Variants in TRAPPC9 observed in about 807,000 individuals in gnomAD.
TRAPPC9 encodes IKK2 binding protein.
A neutral mutation model predicts 124.0 loss-of-function variants in TRAPPC9; 83 were observed. That is an observed-to-expected ratio of 0.67 (90% CI 0.56 to 0.80). The LOEUF (loss-of-function observed/expected upper bound fraction) is 0.80, where lower values mean the gene tolerates loss of function less well. Among genes scored for constraint, TRAPPC9 ranks in the 30% least tolerant of loss-of-function variants. TRAPPC9 has a pLI of 0.00. For synonymous variants in TRAPPC9, 638 were observed against 617.5 expected, an observed-to-expected ratio of 1.03 and a Z score of -0.49; for missense variants, 1,302 against 1,508.3, an observed-to-expected ratio of 0.86 and a Z score of 2.27.
At chr8:140,006,948 A>C (rs1027111591) in intron 18 of TRAPPC9, among the ~76,000 whole-genome samples, 1 of 152,218 alleles carries the variant, frequency 6.6e-6, no homozygotes, top group African/African-American at 2.4e-5. Flanking sequence ...ACGTTGAATT[A>C]TACAGTTTAA....
chr8:140,244,683 C>T (rs973523578), intron 16 of TRAPPC9, among the ~76,000 whole-genome samples: 1 of 152,026 alleles, frequency 6.6e-6, no homozygotes, highest in African/African-American at 2.4e-5. Context: ...CAGCCTGGCT[C>T]GATCTTCTGG....
chr8:139,776,191 G>A lies in TRAPPC9; in HGVS notation c.3056-43989C>T, dbSNP rs925297689. Among the ~76,000 whole-genome samples, 7 of 152,138 alleles carry A rather than the reference G, an allele frequency of 4.6e-5. No homozygotes were observed. Among genetic ancestry groups the A allele is most frequent in the African/African-American group, 1.7e-4 (7 of 41,430 alleles). On this transcript the variant is annotated intron_variant, in intron 21 of 22. Coordinates refer to ENST00000438773, the MANE Select transcript of TRAPPC9 (RefSeq NM_001160372.4). This position sits in a 1 kb window ranked among gnomAD's most constrained non-coding sequence, Gnocchi z 4.1. ...CCCAGCCTCAGTCTCTGGGCTCCCC[G>A]ACAGGGTTCCTTCCATCCTGCAGGC...
intron 19 of TRAPPC9, among the ~76,000 whole-genome samples, chr8:139,976,902 G>T (rs1356320217): frequency 1.3e-5 from 2 of 152,164 alleles, no homozygotes; most frequent in Non-Finnish European, 2.9e-5. Context: ...GGAGACACAG[G>T]GTCCCCGAGA....
At chr8:140,324,568 C>G (rs539212107) in intron 9 of TRAPPC9, among the ~76,000 whole-genome samples, 33 of 152,140 alleles carry the variant, frequency 2.2e-4, no homozygotes, top group African/African-American at 7.9e-4. Context: ...CCCAGAAGTT[C>G]GAGACCAGCC....
Position 140,447,217 on chromosome 8 carries a change from T to A in TRAPPC9, c.584+3573A>T, listed in dbSNP as rs1157578027. On this transcript the variant is annotated intron_variant, in intron 2 of 22. Coordinates refer to ENST00000438773, the MANE Select transcript of TRAPPC9 (RefSeq NM_001160372.4). ...ACTAAATGCTACAGACTGAACAAGATCCCCCAGAGCAAATATTTTAGCAAA... is the reference window on the plus strand; with the variant it reads ...ACTAAATGCTACAGACTGAACAAGAACCCCCAGAGCAAATATTTTAGCAAA... Among the ~76,000 whole-genome samples, 12 of 151,530 alleles carry A rather than the reference T, an allele frequency of 7.9e-5. No individual in the cohort carries two copies. In the East Asian group the frequency reaches 1.6e-3, roughly 20 times the overall value.
chr8:140,393,992 C>T (rs922213766), intron 7 of TRAPPC9, among the ~76,000 whole-genome samples: 1 of 152,214 alleles, frequency 6.6e-6, no homozygotes, highest in African/African-American at 2.4e-5. Flanking sequence ...GTTCCCCTTT[C>T]GCCGTGTCTT....
chr8:139,738,558 G>A (rs555450894), intron 21 of TRAPPC9, among the ~76,000 whole-genome samples: 7 of 152,328 alleles, frequency 4.6e-5, no homozygotes, highest in African/African-American at 4.8e-5. Flanking sequence ...GGGGGAAGGC[G>A]CACAGGGTGC....
intron 17 of TRAPPC9, among the ~76,000 whole-genome samples, chr8:140,155,525 T>C (rs2061613584): frequency 6.6e-6 from 1 of 152,190 alleles, no homozygotes; most frequent in Non-Finnish European, 1.5e-5. Context: ...AGAAGATCCA[T>C]GTTACAACGG....
chr8:140,225,018 G>T (rs2063415215), intron 16 of TRAPPC9, among the ~76,000 whole-genome samples: 1 of 152,058 alleles, frequency 6.6e-6, no homozygotes, highest in African/African-American at 2.4e-5. Flanking sequence ...CCCCTAAATG[G>T]GAATAATTAG....
At chr8:140,148,824 T>G (rs1045058980) in intron 17 of TRAPPC9, among the ~76,000 whole-genome samples, 6 of 152,224 alleles carry the variant, frequency 3.9e-5, no homozygotes, top group Admixed American at 3.3e-4. Context: ...AATGATATAA[T>G]GAACAACTTG....
chr8:139,812,633 C>G (rs536583765), intron 21 of TRAPPC9, among the ~76,000 whole-genome samples: 1 of 152,128 alleles, frequency 6.6e-6, no homozygotes, highest in Non-Finnish European at 1.5e-5. Flanking sequence ...AAAACCTTTA[C>G]AGAAAACTCA....
chr8:140,456,597 A>C (rs572273904), intron 1 of TRAPPC9, among the ~76,000 whole-genome samples: 58 of 152,242 alleles, frequency 3.8e-4, no homozygotes, highest in African/African-American at 1.2e-3. Flanking sequence ...CAATTAAAAA[A>C]ACGAACAAAC....
chr8:139,774,243 T>C (rs1003162925), intron 21 of TRAPPC9, among the ~76,000 whole-genome samples: 6 of 152,162 alleles, frequency 3.9e-5, no homozygotes, highest in African/African-American at 1.4e-4. Flanking sequence ...CCACTCGGGC[T>C]GCCCTGTGAG....
chr8:139,731,930 T>G (rs1280984507), intron 22 of TRAPPC9, 49 bp downstream of exon 22: 2 of 1,523,780 alleles, frequency 1.3e-6, no homozygotes, highest in Non-Finnish European at 1.8e-6. Context: ...GGGGGGATGA[T>G]GACCACATGG....
Position 140,353,324 on chromosome 8 carries a change from C to G in TRAPPC9, c.1495+6726G>C, listed in dbSNP as rs949817903. On this transcript the variant is annotated intron_variant, in intron 9 of 22. Coordinates refer to ENST00000438773, the MANE Select transcript of TRAPPC9 (RefSeq NM_001160372.4). The surrounding 1 kb of genome is among the most constrained non-coding windows in gnomAD (Gnocchi z 4.2). ...CCCTCCCATCTCATGGGACCCCCCC[C>G]TTTCGTCACTCCTCAGTCTTTTCAC... Among the ~76,000 whole-genome samples, 5 of 152,162 alleles carry G rather than the reference C, an allele frequency of 3.3e-5. No individual in the cohort carries two copies. The highest frequency in any genetic ancestry group is 1.9e-4 in the East Asian group (1 of 5,190).
chr8:139,771,451 T>C (rs925371632), intron 21 of TRAPPC9, among the ~76,000 whole-genome samples: 2 of 152,112 alleles, frequency 1.3e-5, no homozygotes, highest in Non-Finnish European at 1.5e-5. Flanking sequence ...CCAGAGTGTC[T>C]AGGCACTACT....
chr8:139,929,687 A>G (rs11995923), intron 19 of TRAPPC9, among the ~76,000 whole-genome samples: 2,258 of 152,360 alleles, frequency 0.015, 69 homozygotes, highest in African/African-American at 0.051. Context: ...GTTTCTGCAT[A>G]TGCCCTGCTG....
rs765863854 is a variant in TRAPPC9 at position 140,112,394 on chromosome 8, T to C, written c.2557-88315A>G. Among the ~76,000 whole-genome samples, 350 of 86,440 alleles carry C rather than the reference T, an allele frequency of 4.0e-3. 1 individual carries two copies. Among genetic ancestry groups the C allele is most frequent in the Middle Eastern group, 9.8e-3 (1 of 102 alleles). 56.7% of individuals were successfully genotyped at this position (86,440 alleles called of 152,430 possible). A position where few individuals can be genotyped will look rare whatever the true frequency, so the allele number is the denominator to read the frequency against. ...ATTCCAGACGATGGTGGGACAGGTG[T>C]GAGGAGAGTAATGGAGAATTCCAGA... On this transcript the variant is annotated intron_variant, in intron 17 of 22. Coordinates refer to ENST00000438773, the MANE Select transcript of TRAPPC9 (RefSeq NM_001160372.4).
At chr8:139,894,722 G>A (rs1219947826) in intron 20 of TRAPPC9, among the ~76,000 whole-genome samples, 1 of 152,200 alleles carries the variant, frequency 6.6e-6, no homozygotes, top group Non-Finnish European at 1.5e-5. Flanking sequence ...GAGTGGAAAC[G>A]TGTGTGCCGT....
Sources: allele counts gnomAD v4.1 joint callset (sites outside exome capture counted in the v4.1 genomes callset), GRCh38; gene constraint gnomAD v4.1.1; non-coding constraint Gnocchi (gnomAD v3.1); transcripts MANE v1.5; gene names NCBI Gene and HGNC (gene_info 2026-07-23, HGNC 2026-07-21).